DLG2: variants seen among roughly 807,000 people sequenced by gnomAD.
DLG2 encodes disks large homolog 2.
A neutral mutation model predicts 132.5 loss-of-function variants in DLG2; 45 were observed. The ratio of observed to expected loss-of-function variants is 0.34; its 90% CI spans 0.27 to 0.44. The LOEUF (loss-of-function observed/expected upper bound fraction) is 0.44. DLG2 is among the 20% of genes least tolerant of loss of function. The probability of loss-of-function intolerance (pLI) is 1.00; values close to 1 mark genes in which losing one functional copy is unlikely to be tolerated. For synonymous variants in DLG2, 424 were observed against 419.6 expected (o/e 1.01, Z -0.13); for missense variants, 1,045 against 1,196.9 (o/e 0.87, Z 1.87).
At chr11:83,770,915 T>G (rs1159424651) in intron 18 of DLG2, among the ~76,000 whole-genome samples, 3 of 152,164 alleles carry the variant, frequency 2.0e-5, no homozygotes, top group African/African-American at 7.2e-5. Context: ...TAAACATCCA[T>G]ATGTCAGCAG....
In DLG2 at chr11:85,266,994, C is replaced by T. The variant is rs1303417998; in HGVS notation, c.186+18226G>A. ...ACATAATTCAAACTCAGTGGACTTC[C>T]TCTATGCTCCCACAAAATTTTGCAT... is the stretch of plus-strand genomic sequence containing the variant. On this transcript the variant is annotated intron_variant, in intron 4 of 27. Coordinates refer to ENST00000376104, the MANE Select transcript of DLG2 (RefSeq NM_001142699.3). Among the ~76,000 whole-genome samples, 4 of 152,310 alleles carry T rather than the reference C, an allele frequency of 2.6e-5. No individual in the cohort carries two copies. The South Asian group carries it at 8.3e-4, about 32-fold the overall frequency.
intron 6 of DLG2, among the ~76,000 whole-genome samples, chr11:84,554,669 A>G (rs1592239727): frequency 6.6e-6 from 1 of 152,010 alleles, no homozygotes; most frequent in Admixed American, 6.6e-5. Flanking sequence ...TCACTTGAAC[A>G]CAGGATGGGG....
At chr11:83,951,182 C>T (rs951715545) in intron 14 of DLG2, among the ~76,000 whole-genome samples, 1 of 151,696 alleles carries the variant, frequency 6.6e-6, no homozygotes, top group African/African-American at 2.4e-5. Flanking sequence ...AAACTGAGAC[C>T]AAAAAAATTC....
chr11:84,011,953 T>A (rs1421281094), intron 11 of DLG2, among the ~76,000 whole-genome samples: 3 of 152,112 alleles, frequency 2.0e-5, no homozygotes, highest in Non-Finnish European at 4.4e-5. Flanking sequence ...GTGGATTGTA[T>A]TGTTTATAAA....
chr11:83,485,711 C>A (rs1246386619), intron 21 of DLG2, among the ~76,000 whole-genome samples: 1 of 152,142 alleles, frequency 6.6e-6, no homozygotes, highest in Non-Finnish European at 1.5e-5. Context: ...GAGTCCTGTG[C>A]CCTTATGGAT....
At chr11:83,577,611 TATAAC>T (rs1480015193) in intron 19 of DLG2, among the ~76,000 whole-genome samples, 1 of 115,526 alleles carries the variant, frequency 8.7e-6, no homozygotes, top group African/African-American at 3.3e-5. Flanking sequence ...GGATATATAT[TATAAC>T]ATATATATGT....
chr11:83,790,263 T>C (rs2041181347), intron 17 of DLG2: 2 of 925,068 alleles, frequency 2.2e-6, no homozygotes, highest in East Asian at 2.4e-5. Flanking sequence ...AAGCTAAACC[T>C]ACCATTTGAG....
chr11:84,983,731 G>A (rs1183258404), intron 6 of DLG2, among the ~76,000 whole-genome samples: 1 of 152,100 alleles, frequency 6.6e-6, no homozygotes, highest in Non-Finnish European at 1.5e-5. Flanking sequence ...CTAATTTAAG[G>A]AAATTTTTTA....
intron 9 of DLG2, among the ~76,000 whole-genome samples, chr11:84,152,330 C>CTGTTTGTT (rs34924138): frequency 6.7e-5 from 10 of 149,038 alleles, no homozygotes; most frequent in Non-Finnish European, 1.0e-4. Context: ...ATTTTAAAAT[C>CTGTTTGTT]TGTTTGTTTG....
chr11:85,625,962 G>T (rs1053816621), intron 2 of DLG2, among the ~76,000 whole-genome samples: 1 of 152,150 alleles, frequency 6.6e-6, no homozygotes, highest in African/African-American at 2.4e-5. Flanking sequence ...AATAATAAAA[G>T]TTGTTGAGGA....
intron 3 of DLG2, among the ~76,000 whole-genome samples, chr11:85,541,954 T>G: frequency 6.6e-6 from 1 of 152,182 alleles, no homozygotes; most frequent in East Asian, 1.9e-4. Flanking sequence ...CAGTGTGCTA[T>G]TGCTGAAAGC....
intron 4 of DLG2, among the ~76,000 whole-genome samples, chr11:85,281,318 G>T (rs988201286): frequency 2.6e-5 from 4 of 151,956 alleles, no homozygotes; most frequent in African/African-American, 9.7e-5. Context: ...TGCTTCAGAA[G>T]CCCATCTGAT....
intron 3 of DLG2, among the ~76,000 whole-genome samples, chr11:85,536,251 C>T (rs1216955105): frequency 6.8e-6 from 1 of 148,126 alleles, no homozygotes; most frequent in Non-Finnish European, 1.5e-5. Context: ...TTTAAATAGG[C>T]AAATCCATAC....
intron 3 of DLG2, among the ~76,000 whole-genome samples, chr11:85,458,006 C>T (rs1291169095): frequency 6.6e-6 from 1 of 152,168 alleles, no homozygotes; most frequent in Non-Finnish European, 1.5e-5. Flanking sequence ...GAAGCTTTCA[C>T]AGGTGATATT....
chr11:83,831,629 C>A (rs1488344404), intron 17 of DLG2, among the ~76,000 whole-genome samples: 2 of 152,002 alleles, frequency 1.3e-5, no homozygotes, highest in African/African-American at 4.8e-5. Context: ...TTATAAGATT[C>A]TATTTATAAA....
intron 3 of DLG2, among the ~76,000 whole-genome samples, chr11:85,373,528 G>C (rs180682745): frequency 2.0e-5 from 3 of 152,294 alleles, no homozygotes; most frequent in Non-Finnish European, 2.9e-5. Flanking sequence ...AGATGGGAAA[G>C]AGTCCCTGGA....
chr11:84,012,863 T>C (rs2094962002), intron 11 of DLG2, among the ~76,000 whole-genome samples: 2 of 152,160 alleles, frequency 1.3e-5, no homozygotes, highest in African/African-American at 2.4e-5. Flanking sequence ...TATGGTCATC[T>C]AGCCTTTACT....
At chr11:85,502,478 G>T (rs768948485) in intron 3 of DLG2, among the ~76,000 whole-genome samples, 5 of 151,818 alleles carry the variant, frequency 3.3e-5, no homozygotes, top group South Asian at 2.1e-4. Context: ...GCCATAAAAA[G>T]AATGAGTTCA....
chr11:85,585,982 G>A (rs921071583), intron 3 of DLG2, among the ~76,000 whole-genome samples: 3 of 152,158 alleles, frequency 2.0e-5, no homozygotes, highest in Non-Finnish European at 4.4e-5. Context: ...CTCTCAAAGT[G>A]CTGGGATTAC....
Sources: gnomAD v4.1 joint callset for allele counts (sites outside exome capture counted in the v4.1 genomes callset) on GRCh38, gnomAD v4.1.1 for gene constraint, MANE v1.5 for transcripts, NCBI Gene and HGNC (gene_info 2026-07-23, HGNC 2026-07-21) for gene names.